Variants in SPP2 observed in about 807,000 individuals in gnomAD.
The protein encoded by SPP2 is secreted phosphoprotein 2.
A neutral mutation model predicts 28.8 loss-of-function variants in SPP2; 34 were observed. The observed-to-expected ratio is 1.18, with a 90% CI of 0.90 to 1.57. The LOEUF is 1.57. Ranked by LOEUF, SPP2 falls within the 40% of genes most tolerant of loss-of-function variation. The pLI is 0.00. For missense variants in SPP2, 269 were observed against 263.9 expected (o/e 1.02, Z -0.13); for synonymous variants, 96 against 89.4 (o/e 1.07, Z -0.42).
rs114490623 is a variant in SPP2 at position 234,062,111 on chromosome 2, G to A, written c.444+1632G>A. ...CATATGAGAAAAAAGACAGTGGGGA[G>A]GAAGACAAGCACAGTGCTAGCCTTT... On this transcript the variant is annotated intron_variant, in intron 4 of 7. Coordinates refer to ENST00000168148, the MANE Select transcript of SPP2 (RefSeq NM_006944.3). 7.1e-3 allele frequency among the ~76,000 whole-genome samples: 1,083 copies of A among 152,320 alleles called. 7 individuals are homozygous for A. Among genetic ancestry groups the A allele is most frequent in the African/African-American group, 0.025 (1,035 of 41,560 alleles).
chr2:234,061,329 T>C (rs1411981696), intron 4 of SPP2, among the ~76,000 whole-genome samples: 1 of 152,168 alleles, frequency 6.6e-6, no homozygotes, highest in Non-Finnish European at 1.5e-5. Flanking sequence ...TTGACATAGC[T>C]CACTAAATAC....
At chr2:234,073,624 C>T (rs1690837882) in intron 7 of SPP2, among the ~76,000 whole-genome samples, 1 of 152,140 alleles carries the variant, frequency 6.6e-6, no homozygotes, top group South Asian at 2.1e-4. Context: ...CAGGTCCCAA[C>T]TCTCATGTTG....
intron 2 of SPP2, among the ~76,000 whole-genome samples, chr2:234,058,390 C>T (rs1306418711): frequency 6.6e-6 from 1 of 152,194 alleles, no homozygotes; most frequent in African/African-American, 2.4e-5. Context: ...TTGTTCGGCT[C>T]CTGTTGGTAA....
chr2:234,060,479 G>C lies in SPP2; in HGVS notation c.444G>C (p.Glu148Asp). 6.2e-7 allele frequency: 1 copy of C among 1,611,450 alleles called. No individual in the cohort carries two copies. The highest frequency in any genetic ancestry group is 8.5e-7 in the Non-Finnish European group (1 of 1,178,172). The change falls in exon 4 of 8, where the codon GAG (glutamate) becomes GAC (aspartate). Residue 148 changes from glutamate to aspartate, a missense_variant and splice_region_variant. By Grantham distance (45) the Glu-to-Asp change is conservative (BLOSUM62 2). Coordinates refer to ENST00000168148, the MANE Select transcript of SPP2 (RefSeq NM_006944.3). ...SSTSESYSSE[E>D]MIFGDMLGSH... ...CGTCTGAGTCTTACAGCAGCGAAGA[G>C]GTATGACTGGGGCCTTGTCTCCTCC...
chr2:234,058,812 C>T (rs775627487), intron 2 of SPP2, 24 bp from the exon 3 acceptor site: 4 of 1,608,756 alleles, frequency 2.5e-6, no homozygotes, highest in Non-Finnish European at 3.4e-6. Flanking sequence ...ATTGATCACA[C>T]TCTGAAACTT....
At chr2:234,071,588 A>G (rs1459286408) in intron 7 of SPP2, among the ~76,000 whole-genome samples, 1 of 152,246 alleles carries the variant, frequency 6.6e-6, no homozygotes, top group Non-Finnish European at 1.5e-5. Flanking sequence ...ACATGCGCAC[A>G]TGTGCACACA....
chr2:234,071,573 A>G (rs1266616790), intron 7 of SPP2, among the ~76,000 whole-genome samples: 1 of 152,226 alleles, frequency 6.6e-6, no homozygotes, highest in Non-Finnish European at 1.5e-5. Flanking sequence ...ATGCATAGGT[A>G]TTTTACATGC....
intron 7 of SPP2, among the ~76,000 whole-genome samples, chr2:234,072,626 T>C (rs190179843): frequency 1.3e-5 from 2 of 152,274 alleles, no homozygotes; most frequent in East Asian, 3.9e-4. Flanking sequence ...GAAGTCCCAG[T>C]TATGTCTCTG....
chr2:234,055,130 C>T (rs969900730), intron 2 of SPP2, among the ~76,000 whole-genome samples: 9 of 144,168 alleles, frequency 6.2e-5, no homozygotes, highest in African/African-American at 2.4e-4. Context: ...TAAATGGATG[C>T]ATATGAATAT....
At chr2:234,060,715 T>TCACACA (rs1286950956) in intron 4 of SPP2, among the ~76,000 whole-genome samples, 6 of 149,538 alleles carry the variant, frequency 4.0e-5, no homozygotes, top group Non-Finnish European at 7.4e-5. Context: ...TCTCTCTCTC[T>TCACACA]CACACACACA....
chr2:234,063,884 CAG>C (rs1346066377), intron 4 of SPP2, among the ~76,000 whole-genome samples: 1 of 152,170 alleles, frequency 6.6e-6, no homozygotes, highest in African/African-American at 2.4e-5. Context: ...AGAATGATGA[CAG>C]GAATTCTGAG....
intron 7 of SPP2, 111 bp downstream of exon 7, chr2:234,070,134 C>A: frequency 1.2e-6 from 1 of 805,062 alleles, no homozygotes; most frequent in East Asian, 2.9e-5. Context: ...CAAATCCTTG[C>A]TTTTCGGCTT....
At chr2:234,069,679 A>G (rs1212937309) in intron 6 of SPP2, among the ~76,000 whole-genome samples, 1 of 152,172 alleles carries the variant, frequency 6.6e-6, no homozygotes, top group Non-Finnish European at 1.5e-5. Context: ...ATGGTGGCTG[A>G]GACATCACAT....
In SPP2 at chr2:234,064,899, T is replaced by C. The variant is rs114177618; in HGVS notation, c.445-1634T>C. Among the ~76,000 whole-genome samples the C allele has an allele frequency of 6.1e-3, 931 of 152,342 alleles. 11 individuals are homozygous for C. Among genetic ancestry groups the C allele is most frequent in the African/African-American group, 0.02 (837 of 41,578 alleles). On this transcript the variant is annotated intron_variant, in intron 4 of 7. Coordinates refer to ENST00000168148, the MANE Select transcript of SPP2 (RefSeq NM_006944.3). ...AGCATGCATCAATGCTTCATTCCTT[T>C]GTATTGTTCCGTTTTACAGAGCCAC... is the stretch of plus-strand genomic sequence containing the variant.
intron 7 of SPP2, among the ~76,000 whole-genome samples, chr2:234,072,648 C>T (rs954433455): frequency 3.3e-5 from 5 of 152,134 alleles, no homozygotes; most frequent in African/African-American, 9.7e-5. Flanking sequence ...CCTCCCATGA[C>T]CTTTAGCAGG....
intron 7 of SPP2, among the ~76,000 whole-genome samples, chr2:234,072,344 A>G (rs1053182295): frequency 1.3e-5 from 2 of 152,206 alleles, no homozygotes; most frequent in African/African-American, 4.8e-5. Context: ...TCTACTCATT[A>G]TGAAGCAACA....
chr2:234,052,731 C>A (rs1457902903), intron 2 of SPP2, among the ~76,000 whole-genome samples: 1 of 152,208 alleles, frequency 6.6e-6, no homozygotes, highest in East Asian at 1.9e-4. Context: ...CCTCTCCCTG[C>A]CTTTTCTGAT....
At chr2:234,062,360 C>G (rs1311209150) in intron 4 of SPP2, among the ~76,000 whole-genome samples, 3 of 152,096 alleles carry the variant, frequency 2.0e-5, no homozygotes, top group Non-Finnish European at 4.4e-5. Context: ...TAGGGGAAAT[C>G]AGGTGGGGTA....
chr2:234,068,641 A>G (rs573122678), intron 6 of SPP2, among the ~76,000 whole-genome samples: 1 of 150,666 alleles, frequency 6.6e-6, no homozygotes, highest in East Asian at 1.9e-4. Context: ...TTATGACAGC[A>G]TGACCACTGC....
Sources: gnomAD v4.1 joint callset for allele counts (sites outside exome capture counted in the v4.1 genomes callset) on GRCh38, gnomAD v4.1.1 for gene constraint, MANE v1.5 for transcripts, NCBI Gene and HGNC (gene_info 2026-07-23, HGNC 2026-07-21) for gene names.